SDK1: variants seen among roughly 807,000 people sequenced by gnomAD.
The protein encoded by SDK1 is protein sidekick-1.
A neutral mutation model predicts 245.5 loss-of-function variants in SDK1; 157 were observed. The ratio of observed to expected loss-of-function variants is 0.64; its 90% CI spans 0.56 to 0.73. The LOEUF (loss-of-function observed/expected upper bound fraction) is 0.73, where lower values mean the gene tolerates loss of function less well. Among genes scored for constraint, SDK1 ranks in the 30% least tolerant of loss-of-function variants. The pLI is 0.00. For missense variants in SDK1, 3,583 were observed against 3,002.3 expected (o/e 1.19, Z -4.52); for synonymous variants, 1,647 against 1,278.5 (o/e 1.29, Z -6.15).
intron 4 of SDK1, among the ~76,000 whole-genome samples, chr7:3,723,131 C>T (rs181029481): frequency 1.1e-4 from 17 of 152,322 alleles, no homozygotes; most frequent in South Asian, 6.2e-4. Context: ...TGTCCTCAGA[C>T]GTTTCTCAAG....
intron 4 of SDK1, among the ~76,000 whole-genome samples, chr7:3,673,589 T>G (rs1417174501): frequency 6.6e-6 from 1 of 152,244 alleles, no homozygotes; most frequent in East Asian, 1.9e-4. Context: ...TGCCTTGGTA[T>G]AGACTTACCC....
In SDK1 at chr7:3,962,292, C is replaced by T. The variant is rs570179622; in HGVS notation, c.1235-365C>T. The stretch of plus-strand genomic sequence containing the variant: ...CTATGACCCTGTGCCCAAGCCCTCC[C>T]GCGGTGGCTGAGTAGGGCACTGCAG... On this transcript the variant is annotated intron_variant, in intron 8 of 44. Transcript: ENST00000404826. Among the ~76,000 whole-genome samples, 15 of 152,364 alleles carry T rather than the reference C, an allele frequency of 9.8e-5. 1 individual carries two copies. The South Asian group carries it at 1.9e-3, about 19-fold the overall frequency.
intron 5 of SDK1, among the ~76,000 whole-genome samples, chr7:3,892,744 T>C (rs1006807957): frequency 6.6e-6 from 1 of 152,082 alleles, no homozygotes; most frequent in African/African-American, 2.4e-5. Flanking sequence ...CCAGTCCAGG[T>C]GGACATCCAG....
chr7:4,239,265 G>C (rs564804657), intron 42 of SDK1, among the ~76,000 whole-genome samples: 2 of 152,228 alleles, frequency 1.3e-5, no homozygotes, highest in Non-Finnish European at 2.9e-5. Flanking sequence ...ACAGTGAATG[G>C]AAGTTTCCAG....
rs188815100 is a variant in SDK1 at position 3,623,857 on chromosome 7, C to G, written c.458+4618C>G. ...AAATTTTATAGTTTTCTTATGTAAC[C>G]TGCCTCTGTGGTTCAATTTCTATGA... On this transcript the variant is annotated intron_variant, in intron 2 of 44. Transcript: ENST00000404826. Among the ~76,000 whole-genome samples the G allele has an allele frequency of 1.4e-3, 209 of 152,146 alleles. 1 individual carries two copies. Among genetic ancestry groups the G allele is most frequent in the Non-Finnish European group, 1.5e-3 (102 of 68,008 alleles).
At chr7:3,706,871 A>G (rs949058647) in intron 4 of SDK1, among the ~76,000 whole-genome samples, 1 of 152,202 alleles carries the variant, frequency 6.6e-6, no homozygotes, top group African/African-American at 2.4e-5. Context: ...GTAGTATCAA[A>G]TGATCTTTTG....
At chr7:3,737,432 G>C (rs1214466081) in intron 4 of SDK1, among the ~76,000 whole-genome samples, 2 of 152,206 alleles carry the variant, frequency 1.3e-5, no homozygotes, top group African/African-American at 4.8e-5. Context: ...AGGCTATGCT[G>C]CTCTGCTAGG....
intron 4 of SDK1, among the ~76,000 whole-genome samples, chr7:3,645,998 A>G (rs887677985): frequency 1.3e-5 from 2 of 152,090 alleles, no homozygotes; most frequent in Non-Finnish European, 2.9e-5. Flanking sequence ...AGCTGAGATT[A>G]CAGGCGCACC....
chr7:4,265,841 C>T lies in SDK1; in HGVS notation c.*457C>T, dbSNP rs1477207993. ...AACCAGCGGCTCACACCCTTCTCAA[C>T]GCAGGACATCCTCGGCGGCTCCTGG... On this transcript the variant is annotated 3_prime_UTR_variant, in exon 45 of 45. Coordinates refer to ENST00000404826, the MANE Select transcript of SDK1 (RefSeq NM_152744.4). 4.0e-6 allele frequency: 4 copies of T among 992,188 alleles called. No homozygotes were observed. Among genetic ancestry groups the T allele is most frequent in the Non-Finnish European group, 4.8e-6 (4 of 835,012 alleles). 61.5% of individuals were successfully genotyped at this position (992,188 alleles called of 1,614,324 possible). A position where few individuals can be genotyped will look rare whatever the true frequency, so the allele number is the denominator to read the frequency against.
At chr7:3,472,849 C>T (rs1320970235) in intron 1 of SDK1, among the ~76,000 whole-genome samples, 1 of 152,090 alleles carries the variant, frequency 6.6e-6, no homozygotes, top group East Asian at 1.9e-4. Flanking sequence ...GCTTACAGTA[C>T]CAGCATGAGA....
chr7:3,429,849 C>A (rs2128583807), intron 1 of SDK1, among the ~76,000 whole-genome samples: 1 of 152,104 alleles, frequency 6.6e-6, no homozygotes, highest in African/African-American at 2.4e-5. Flanking sequence ...CTTTGGCCTC[C>A]CAATGAGTTG....
At chr7:3,587,952 A>C (rs776617066) in intron 1 of SDK1, among the ~76,000 whole-genome samples, 3 of 152,260 alleles carry the variant, frequency 2.0e-5, no homozygotes, top group Non-Finnish European at 2.9e-5. Context: ...TCATTGATCC[A>C]ATAGACTTAT....
At chr7:3,474,888 C>G (rs1781305362) in intron 1 of SDK1, among the ~76,000 whole-genome samples, 1 of 152,036 alleles carries the variant, frequency 6.6e-6, no homozygotes, top group South Asian at 2.1e-4. Context: ...GACAGGGTCT[C>G]CTTATGTTGT....
chr7:4,238,058 C>G (rs1786290728), intron 42 of SDK1, among the ~76,000 whole-genome samples: 2 of 151,840 alleles, frequency 1.3e-5, no homozygotes. Context: ...CTCAGAGATC[C>G]CCACTCTGTA....
intron 5 of SDK1, among the ~76,000 whole-genome samples, chr7:3,870,503 T>C (rs937732076): frequency 6.6e-6 from 1 of 152,208 alleles, no homozygotes; most frequent in African/African-American, 2.4e-5. Flanking sequence ...GCTCTCGTTA[T>C]GCTAGTCCTT....
At chr7:4,135,705 G>C (rs909491302) in intron 28 of SDK1, among the ~76,000 whole-genome samples, 1 of 152,222 alleles carries the variant, frequency 6.6e-6, no homozygotes, top group South Asian at 2.1e-4. Context: ...AAGCACATTC[G>C]TGCCTCCCTC....
intron 4 of SDK1, among the ~76,000 whole-genome samples, chr7:3,744,627 C>G (rs138155402): frequency 0.015 from 2,340 of 152,084 alleles, 27 homozygotes; most frequent in Non-Finnish European, 0.023. Context: ...CTGGCTAACA[C>G]GATGAAACCC....
At chr7:3,546,256 C>T (rs1779221340) in intron 1 of SDK1, among the ~76,000 whole-genome samples, 1 of 152,026 alleles carries the variant, frequency 6.6e-6, no homozygotes, top group Non-Finnish European at 1.5e-5. Flanking sequence ...CAATGATGTA[C>T]AGGAAAGGGC....
At chr7:4,079,091 G>C (rs1373538158) in intron 21 of SDK1, among the ~76,000 whole-genome samples, 1 of 152,210 alleles carries the variant, frequency 6.6e-6, no homozygotes, top group East Asian at 1.9e-4. Context: ...CTCGTTCTCT[G>C]TGTGGTTTGA....
Sources: allele counts gnomAD v4.1 joint callset (sites outside exome capture counted in the v4.1 genomes callset), GRCh38; gene constraint gnomAD v4.1.1; transcripts MANE v1.5; gene names NCBI Gene and HGNC (gene_info 2026-07-23, HGNC 2026-07-21).